Variants in HERPUD1 observed in about 807,000 individuals in gnomAD.
The protein encoded by HERPUD1 is homocysteine inducible ER protein with ubiquitin like domain 1.
HERPUD1 carries 17 observed loss-of-function variants against 45.0 expected under a neutral mutation model. The ratio of observed to expected loss-of-function variants is 0.38; its 90% CI spans 0.26 to 0.57. The LOEUF is 0.57. HERPUD1 is among the 20% of genes least tolerant of loss of function. The pLI, the probability that HERPUD1 is intolerant of heterozygous loss-of-function variation, is 0.72. For missense variants in HERPUD1, 420 were observed against 490.5 expected (o/e 0.86, Z 1.36); for synonymous variants, 164 against 177.5 (o/e 0.92, Z 0.61).
chr16:56,943,442 A>G lies in HERPUD1; in HGVS notation c.*152A>G. 1.1e-6 allele frequency: 1 copy of G among 902,498 alleles called. No homozygotes were observed. 55.9% of individuals were successfully genotyped at this position (902,498 alleles called of 1,614,324 possible). A position where few individuals can be genotyped will look rare whatever the true frequency, so the allele number is the denominator to read the frequency against. ...CTTTTGTGAGCAAGCAAAAGCAGAAACGTGAAGCCGTGATACAAATTGGTG... is the reference window on the plus strand; with the variant it reads ...CTTTTGTGAGCAAGCAAAAGCAGAAGCGTGAAGCCGTGATACAAATTGGTG... On this transcript the variant is annotated 3_prime_UTR_variant, in exon 8 of 8. Coordinates refer to ENST00000439977, the MANE Select transcript of HERPUD1 (RefSeq NM_014685.4).
In HERPUD1 at chr16:56,935,440, A is replaced by G. The variant is rs2055859209; in HGVS notation, c.265A>G (p.Lys89Glu). ...TGTTTTGCATCTGGTGTGCAATGTG[A>G]AGAGTCCTTCAAAAATGCCAGAAAT... ...RHVLHLVCNVKSPSKMPEINA... is the reference protein window; with the variant it reads ...RHVLHLVCNVESPSKMPEINA... The change falls in exon 3 of 8, where the codon AAG becomes GAG. Residue 89 changes from lysine to glutamate, a missense_variant. Coordinates refer to ENST00000439977, the MANE Select transcript of HERPUD1 (RefSeq NM_014685.4). 3.1e-6 allele frequency: 5 copies of G among 1,614,198 alleles called. No individual in the cohort carries two copies. Among genetic ancestry groups the G allele is most frequent in the Non-Finnish European group, 4.2e-6 (5 of 1,180,022 alleles).
chr16:56,935,356 A>G (rs1364903367), intron 2 of HERPUD1, 44 bp downstream of exon 2: 1 of 1,610,910 alleles, frequency 6.2e-7, no homozygotes, highest in African/African-American at 1.3e-5. Flanking sequence ...TTAAGCACTC[A>G]CCAGGTTAGG....
At chr16:56,935,108 G>C in intron 1 of HERPUD1, 127 bp from the exon 2 acceptor site, 1 of 665,334 alleles carries the variant, frequency 1.5e-6, no homozygotes, top group African/African-American at 1.8e-5. Context: ...TTTTGAGAAA[G>C]TGTTTTCCCG....
At chr16:56,941,086 A>C (rs2144825491) in intron 6 of HERPUD1, 1 of 152,358 alleles carries the variant, frequency 6.6e-6, no homozygotes, top group East Asian at 1.9e-4. Flanking sequence ...TCCTCTAGAT[A>C]AGCTACCTTA....
In HERPUD1 at chr16:56,943,639, A is replaced by G. The variant is rs1596984998; in HGVS notation, c.*349A>G. On this transcript the variant is annotated 3_prime_UTR_variant, in exon 8 of 8. Transcript: ENST00000439977. Reference sequence around the variant, plus strand: ...GTGTGTTTGTACATAGAAGTCATAGATGCAGAAGTGGTTCTGCTGGTACGA... The same window carrying G: ...GTGTGTTTGTACATAGAAGTCATAGGTGCAGAAGTGGTTCTGCTGGTACGA... The G allele has an allele frequency of 2.4e-6, 1 of 415,780 alleles. No individual in the cohort carries two copies. Among genetic ancestry groups the G allele is most frequent in the Non-Finnish European group, 4.5e-6 (1 of 221,382 alleles). The allele number at this position is 415,780 out of a possible 1,614,324, so 25.8% of individuals were successfully genotyped here. A position where few individuals can be genotyped will look rare whatever the true frequency, so the allele number is the denominator to read the frequency against.
intron 4 of HERPUD1, among the ~76,000 whole-genome samples, chr16:56,938,582 C>T (rs1371412852): frequency 6.7e-6 from 1 of 150,018 alleles, no homozygotes; most frequent in Non-Finnish European, 1.5e-5. Flanking sequence ...AAAAAAGAAG[C>T]ATGCATTTGA....
intron 4 of HERPUD1, chr16:56,937,526 A>T (rs2055875845): frequency 6.6e-6 from 1 of 152,024 alleles, no homozygotes; most frequent in Admixed American, 6.6e-5. Context: ...TATACACAAC[A>T]GTGGGGACTG....
chr16:56,940,697 C>T (rs2055903011), intron 6 of HERPUD1, among the ~76,000 whole-genome samples: 1 of 152,012 alleles, frequency 6.6e-6, no homozygotes, highest in Non-Finnish European at 1.5e-5. Context: ...CGCAGTGGCT[C>T]ACACCTGTAA....
At position 56,940,283 on chromosome 16, in the gene HERPUD1, C is replaced by T. The variant is rs183264660; in HGVS notation, c.905+38C>T. On this transcript the variant is annotated intron_variant, in intron 6 of 7. Coordinates refer to ENST00000439977, the MANE Select transcript of HERPUD1 (RefSeq NM_014685.4). ...TTTCTCTAATATAAATTACACTACA[C>T]TGTGTTCACACTAAGCAGATTTTGC... 28 of 1,422,068 alleles carry T rather than the reference C, an allele frequency of 2.0e-5. 1 individual carries two copies. In the Admixed American group the frequency reaches 3.6e-4, roughly 18 times the overall value. The allele number at this position is 1,422,068 out of a possible 1,614,324, so 88.1% of individuals were successfully genotyped here.
intron 4 of HERPUD1, among the ~76,000 whole-genome samples, chr16:56,938,203 C>A (rs2055880475): frequency 6.6e-6 from 1 of 152,150 alleles, no homozygotes; most frequent in South Asian, 2.1e-4. Flanking sequence ...GTGTAAGAAG[C>A]ACAAAGCCAA....
At position 56,943,269 on chromosome 16, in the gene HERPUD1, C is replaced by T. The variant is rs2055925456; in HGVS notation, c.1155C>T (p.Gly385=). Residue 385 remains glycine (G), a synonymous_variant, in exon 8 of 8, where the codon GGC becomes GGT. Transcript: ENST00000439977. Reference sequence around the variant, plus strand: ...TCTTTGCCTCTCTTCTTCCAGAAGGCCCCCCAGCCATCGCAAACTGATGGT... The same window carrying T: ...TCTTTGCCTCTCTTCTTCCAGAAGGTCCCCCAGCCATCGCAAACTGATGGT... ...KTFFASLLPE[G]PPAIAN 1.2e-6 allele frequency: 2 copies of T among 1,614,010 alleles called. No homozygotes were observed. Among genetic ancestry groups the T allele is most frequent in the Non-Finnish European group, 1.7e-6 (2 of 1,179,958 alleles).
intron 1 of HERPUD1, 64 bp downstream of exon 1, chr16:56,932,455 C>G (rs933490447): frequency 1.4e-6 from 2 of 1,391,652 alleles, no homozygotes; most frequent in Non-Finnish European, 1.9e-6. Context: ...GGGGATGCCA[C>G]GTCCGGCTGC....
At chr16:56,932,584 C>A (rs1165594763) in intron 1 of HERPUD1, among the ~76,000 whole-genome samples, 193 bp downstream of exon 1, 1 of 152,264 alleles carries the variant, frequency 6.6e-6, no homozygotes, top group Non-Finnish European at 1.5e-5. Context: ...TGCCCAGTAG[C>A]CGTCAGTAAT....
intron 6 of HERPUD1, chr16:56,941,006 G>A (rs1184383141): frequency 6.6e-6 from 1 of 152,126 alleles, no homozygotes; most frequent in African/African-American, 2.4e-5. Flanking sequence ...TTCGATACAA[G>A]GAATTCATGG....
Position 56,939,321 on chromosome 16 carries a change from G to C in HERPUD1, c.516G>C (p.Trp172Cys), listed in dbSNP as rs1214334123. 9 of 1,614,098 alleles carry C rather than the reference G, an allele frequency of 5.6e-6. No homozygotes were observed. ...YTPYGWLQLS[W>C]FQQIYARQYY... ...CCTATGGGTGGCTTCAGCTTTCCTG[G>C]TTCCAGCAGATATATGCACGACAGT... The change falls in exon 5 of 8, where the codon TGG (tryptophan) becomes TGC (cysteine). Residue 172 changes from tryptophan to cysteine, a missense_variant. By Grantham distance (215) the Trp-to-Cys change is radical. Transcript: ENST00000439977.
rs868449120 is a variant in HERPUD1 at position 56,942,204 on chromosome 16, C to T, written c.978C>T (p.Asp326=). ...TCCCAAATGATGGTCCTCCTCCTGA[C>T]GTTGTAAATCAGGACCCCAACAATA... ...QNFPNDGPPP[D]VVNQDPNNNL... is the part of the protein sequence containing the mutation. Residue 326 remains aspartate, a synonymous_variant, in exon 7 of 8, where the codon GAC becomes GAT. Transcript: ENST00000439977. The T allele has an allele frequency of 2.8e-5, 45 of 1,613,832 alleles. 1 individual carries two copies. In the Admixed American group the frequency reaches 3.7e-4, roughly 13 times the overall value.
At chr16:56,937,685 C>T (rs1345466150) in intron 4 of HERPUD1, among the ~76,000 whole-genome samples, 1 of 150,522 alleles carries the variant, frequency 6.6e-6, no homozygotes, top group Non-Finnish European at 1.5e-5. Context: ...CTATATTCTT[C>T]AGTATATAAC....
Position 56,932,231 on chromosome 16 carries a change from C to G in HERPUD1, c.-14C>G, listed in dbSNP as rs1336109494. The G allele has an allele frequency of 6.2e-7, 1 of 1,602,882 alleles. No homozygotes were observed. Among genetic ancestry groups the G allele is most frequent in the Admixed American group, 1.7e-5 (1 of 59,642 alleles). The stretch of plus-strand genomic sequence containing the variant: ...CTAGGAGCGCAGCGGAGCCCCGACA[C>G]CGCCGCCGCCGCCATGGAGTCCGAG... On this transcript the variant is annotated 5_prime_UTR_variant, in exon 1 of 8. Transcript: ENST00000439977.
At chr16:56,934,029 T>G (rs528475599) in intron 1 of HERPUD1, among the ~76,000 whole-genome samples, 4 of 152,374 alleles carry the variant, frequency 2.6e-5, no homozygotes, top group Non-Finnish European at 5.9e-5. Flanking sequence ...AAAGTTCTGA[T>G]GTATATGGAT....
Sources: gnomAD v4.1 joint callset for allele counts (sites outside exome capture counted in the v4.1 genomes callset) on GRCh38, gnomAD v4.1.1 for gene constraint, MANE v1.5 for transcripts, NCBI Gene and HGNC (gene_info 2026-07-23, HGNC 2026-07-21) for gene names.